The following RELCH variants were observed in gnomAD, a reference collection of about 807,000 sequenced individuals.
The protein encoded by RELCH is RAB11-binding protein RELCH.
RELCH carries 41 observed loss-of-function variants against 150.3 expected under a neutral mutation model. That is an observed-to-expected ratio of 0.27 (90% CI 0.21 to 0.35). The LOEUF (loss-of-function observed/expected upper bound fraction) is 0.35, where lower values mean the gene tolerates loss of function less well. Among genes scored for constraint, RELCH ranks in the 10% least tolerant of loss-of-function variants. The pLI, the probability that RELCH is intolerant of heterozygous loss-of-function variation, is 1.00. For synonymous variants in RELCH, 478 were observed against 531.8 expected (o/e 0.90, Z 1.39); for missense variants, 1,092 against 1,467.8 (o/e 0.74, Z 4.18).
chr18:62,273,173 A>C (rs1201189949), intron 20 of RELCH, among the ~76,000 whole-genome samples: 2 of 152,060 alleles, frequency 1.3e-5, no homozygotes, highest in African/African-American at 2.4e-5. Flanking sequence ...ACAGACTATC[A>C]GATTCCCTTC....
At chr18:62,272,788 T>C (rs1012005993) in intron 20 of RELCH, among the ~76,000 whole-genome samples, 1 of 151,802 alleles carries the variant, frequency 6.6e-6, no homozygotes, top group Non-Finnish European at 1.5e-5. Context: ...AGTCTTATTT[T>C]ATAGCTCTTA....
At position 62,187,838 on chromosome 18, in the gene RELCH, G is replaced by A; in HGVS notation, c.333G>A (p.Leu111=). The change falls in exon 1 of 29, where the codon CTG becomes CTA. Residue 111 remains leucine (L), a synonymous_variant. Transcript: ENST00000644646. ...LLRDQYLLTA[L]ELHTELLESG... ...GCGATCAATACTTGCTGACCGCCCTGGAGCTGCATACCGAGCTGTTAGAGA... is the reference window on the plus strand; with the variant it reads ...GCGATCAATACTTGCTGACCGCCCTAGAGCTGCATACCGAGCTGTTAGAGA... The A allele has an allele frequency of 6.3e-7, 1 of 1,592,286 alleles. No homozygotes were observed. Among genetic ancestry groups the A allele is most frequent in the African/African-American group, 1.3e-5 (1 of 74,780 alleles).
Position 62,273,977 on chromosome 18 carries a change from T to C in RELCH, c.2761-3T>C, listed in dbSNP as rs2044052055. 1.3e-6 allele frequency: 2 copies of C among 1,584,350 alleles called. No individual in the cohort carries two copies. Among genetic ancestry groups the C allele is most frequent in the Non-Finnish European group, 8.7e-7 (1 of 1,153,856 alleles). On this transcript the variant is annotated splice_region_variant and splice_polypyrimidine_tract_variant and intron_variant, in intron 20 of 28. Transcript: ENST00000644646. ...ATTCAGTATCAGTATTTTTCCTCTG[T>C]AGGAAGAAGACCGAAAACTGTTAGT...
chr18:62,278,513 TTCTC>T (rs560230831), intron 22 of RELCH, among the ~76,000 whole-genome samples: 106 of 152,244 alleles, frequency 7.0e-4, no homozygotes, highest in African/African-American at 2.4e-3. Flanking sequence ...GTGAGTTACT[TTCTC>T]TGATGTGTTA....
intron 10 of RELCH, among the ~76,000 whole-genome samples, chr18:62,242,122 C>CT (rs2042178700): frequency 1.3e-5 from 2 of 152,102 alleles, no homozygotes; most frequent in Admixed American, 6.6e-5. Flanking sequence ...CCTTTAAACT[C>CT]TGAGTTGTAA....
At position 62,228,493 on chromosome 18, in the gene RELCH, T is replaced by G; in HGVS notation, c.1343T>G (p.Ile448Ser). 6.2e-7 allele frequency: 1 copy of G among 1,613,284 alleles called. No homozygotes were observed. ...ATATCAGATGAAGCTGATTCCACTA[T>G]TCCTAAAGAGAATTCCCCAAATTCA... ...LSISDEADST[I>S]PKENSPNSFP... The change falls in exon 8 of 29, where the codon ATT becomes AGT. Residue 448 changes from isoleucine to serine, a missense_variant. By Grantham distance (142) the Ile-to-Ser change is moderately radical. Around this residue, in one of 4 missense-constraint regions of RELCH, gnomAD observed 707 missense variants for 1,025.4 expected, o/e 0.69. Coordinates refer to ENST00000644646, the MANE Select transcript of RELCH (RefSeq NM_001346231.2).
At chr18:62,188,459 T>G (rs2038327782) in intron 1 of RELCH, among the ~76,000 whole-genome samples, 1 of 152,202 alleles carries the variant, frequency 6.6e-6, no homozygotes, top group African/African-American at 2.4e-5. Context: ...AGAGAAAGAA[T>G]AGGACACACT....
intron 1 of RELCH, among the ~76,000 whole-genome samples, chr18:62,208,681 C>G (rs1303737693): frequency 6.6e-6 from 1 of 152,066 alleles, no homozygotes; most frequent in East Asian, 1.9e-4. Flanking sequence ...TCAAGTTGGC[C>G]CCAGTGTCTG....
intron 1 of RELCH, among the ~76,000 whole-genome samples, chr18:62,201,579 A>T (rs28687435): frequency 6.6e-6 from 1 of 152,184 alleles, no homozygotes; most frequent in African/African-American, 2.4e-5. Context: ...TGCCAAAAGT[A>T]AAAACAAAAA....
intron 27 of RELCH, among the ~76,000 whole-genome samples, chr18:62,293,121 C>T (rs2045236881): frequency 6.6e-6 from 1 of 152,150 alleles, no homozygotes; most frequent in Non-Finnish European, 1.5e-5. Flanking sequence ...TTCTTCCATG[C>T]CTTTGCCTAT....
chr18:62,187,600 C>T lies in RELCH; in HGVS notation c.95C>T (p.Thr32Ile), dbSNP rs2038202624. The change falls in exon 1 of 29, where the codon ACA becomes ATA. Residue 32 changes from threonine (T) to isoleucine (I), a missense_variant. Transcript: ENST00000644646. The part of the protein sequence containing the change: ...SDEDDDEVAA[T>I]EERRAVLRLG... ...GAGGACGATGACGAGGTAGCTGCAA[C>T]AGAGGAACGGCGGGCAGTACTTCGG... The T allele has an allele frequency of 6.5e-7, 1 of 1,531,036 alleles. No homozygotes were observed. The highest frequency in any genetic ancestry group is 8.8e-7 in the Non-Finnish European group (1 of 1,138,264). 94.8% of individuals were successfully genotyped at this position (1,531,036 alleles called of 1,614,324 possible). A position where few individuals can be genotyped will look rare whatever the true frequency, so the allele number is the denominator to read the frequency against.
At chr18:62,195,463 G>C (rs2038969524) in intron 1 of RELCH, among the ~76,000 whole-genome samples, 1 of 152,116 alleles carries the variant, frequency 6.6e-6, no homozygotes, top group Non-Finnish European at 1.5e-5. Flanking sequence ...TTTTCTGCTT[G>C]AAGCATTAGG....
At chr18:62,228,800 A>G (rs1164892478) in intron 8 of RELCH, among the ~76,000 whole-genome samples, 3 of 152,122 alleles carry the variant, frequency 2.0e-5, no homozygotes, top group African/African-American at 7.2e-5. Flanking sequence ...AATTAAATCA[A>G]AAAGGAATTA....
rs1029224820 is a variant in RELCH, at chr18:62,216,043, G to A, written c.616+4801G>A. On this transcript the variant is annotated intron_variant, in intron 2 of 28. Transcript: ENST00000644646. ...AGGTGATTTTTCATTTTAAGTAAAA[G>A]CCTTTCTCTATGTTATTAAACAAAA... Among the ~76,000 whole-genome samples the A allele has an allele frequency of 3.9e-5, 6 of 152,080 alleles. No homozygotes were observed. In the East Asian group the frequency reaches 1.2e-3, roughly 29 times the overall value.
At position 62,187,565 on chromosome 18, in the gene RELCH, T is replaced by A; in HGVS notation, c.60T>A (p.Ser20Arg). 6.6e-7 allele frequency: 1 copy of A among 1,518,316 alleles called. No homozygotes were observed. The highest frequency in any genetic ancestry group is 8.8e-7 in the Non-Finnish European group (1 of 1,133,760). 94.1% of individuals were successfully genotyped at this position (1,518,316 alleles called of 1,614,324 possible). ...GTGGCGGCGTGAATCCATTTCTCAG[T>A]GATTCGGATGAGGACGATGACGAGG... The part of the protein sequence containing the change: ...GSGGGVNPFL[S>R]DSDEDDDEVA... The change falls in exon 1 of 29, where the codon AGT (serine) becomes AGA (arginine). Residue 20 changes from serine (S) to arginine (R), a missense_variant. This residue lies in a region of RELCH where 138 missense variants were observed against 124.8 expected (regional missense o/e 1.11). Transcript: ENST00000644646.
At chr18:62,300,202 C>T (rs967945842) in intron 28 of RELCH, 8 of 152,158 alleles carry the variant, frequency 5.3e-5, no homozygotes, top group Non-Finnish European at 8.8e-5. Context: ...TGTCTTTTAA[C>T]ATGTTCTTCT....
At chr18:62,227,722 C>T in intron 7 of RELCH, 33 bp downstream of exon 7, 2 of 1,130,428 alleles carry the variant, frequency 1.8e-6, no homozygotes, top group Middle Eastern at 2.0e-4. Flanking sequence ...TAAAAATCCT[C>T]TTAAGGTGTT....
intron 1 of RELCH, among the ~76,000 whole-genome samples, chr18:62,206,717 G>C (rs1370656282): frequency 6.6e-6 from 1 of 152,156 alleles, no homozygotes; most frequent in Non-Finnish European, 1.5e-5. Flanking sequence ...ATTTAATAGA[G>C]AAGCAGTTAA....
At chr18:62,188,131 C>A in intron 1 of RELCH, 100 bp downstream of exon 1, 3 of 1,324,756 alleles carry the variant, frequency 2.3e-6, no homozygotes, top group Non-Finnish European at 3.0e-6. Flanking sequence ...CCGATAGGGA[C>A]ATTTTAAGGA....
Sources: allele counts gnomAD v4.1 joint callset (sites outside exome capture counted in the v4.1 genomes callset), GRCh38; gene constraint gnomAD v4.1.1; regional missense constraint gnomAD v4.1.1; transcripts MANE v1.5; gene names NCBI Gene and HGNC (gene_info 2026-07-23, HGNC 2026-07-21).